PTPRS: variants seen among roughly 807,000 people sequenced by gnomAD.
The protein encoded by PTPRS is receptor-type tyrosine-protein phosphatase S.
In PTPRS, 63 loss-of-function variants were observed where a neutral mutation model predicts 215.3. The observed-to-expected ratio is 0.29, with a 90% CI of 0.24 to 0.36. PTPRS has a LOEUF of 0.36. Among genes scored for constraint, PTPRS ranks in the 10% least tolerant of loss-of-function variants. The pLI is 1.00. For missense variants in PTPRS, 2,258 were observed against 2,825.8 expected (o/e 0.80, Z 4.56); for synonymous variants, 1,404 against 1,191.4 (o/e 1.18, Z -3.68).
chr19:5,284,498 C>G (rs183542966), intron 2 of PTPRS, among the ~76,000 whole-genome samples: 170 of 152,118 alleles, frequency 1.1e-3, no homozygotes, highest in Non-Finnish European at 1.8e-3. Context: ...GCCCATCTTT[C>G]TTTTTTTTCT....
intron 1 of PTPRS, among the ~76,000 whole-genome samples, chr19:5,303,366 G>A (rs1202123666): frequency 6.6e-6 from 1 of 152,168 alleles, no homozygotes; most frequent in Admixed American, 6.5e-5. Context: ...GTGCACAAGG[G>A]TGGGATCTGG....
chr19:5,268,516 G>A (rs1446936365), intron 4 of PTPRS, among the ~76,000 whole-genome samples: 2 of 151,948 alleles, frequency 1.3e-5, no homozygotes, highest in Non-Finnish European at 2.9e-5. Flanking sequence ...GCAAGCAGCA[G>A]GAGGGCAGGA....
At chr19:5,285,178 G>GGGAGGC (rs1177988269) in intron 2 of PTPRS, among the ~76,000 whole-genome samples, 1 of 152,194 alleles carries the variant, frequency 6.6e-6, no homozygotes, top group Non-Finnish European at 1.5e-5. Flanking sequence ...CAGTGGGTAA[G>GGGAGGC]GGAGGCTGAG....
At chr19:5,241,518 A>G (rs1299433280) in intron 11 of PTPRS, among the ~76,000 whole-genome samples, 1 of 151,362 alleles carries the variant, frequency 6.6e-6, no homozygotes. Flanking sequence ...TCCTGGCTTC[A>G]GGCAAACCTC....
At chr19:5,229,749 G>T (rs1005268253) in intron 14 of PTPRS, 65 bp from the exon 15 acceptor site, 1 of 1,025,250 alleles carries the variant, frequency 9.8e-7, no homozygotes, top group Non-Finnish European at 1.3e-6. Context: ...GCCCTGCCCC[G>T]GGCAGTGCCA....
chr19:5,279,185 CA>C (rs953303136), intron 2 of PTPRS, among the ~76,000 whole-genome samples: 17 of 139,304 alleles, frequency 1.2e-4, no homozygotes, highest in Admixed American at 2.2e-4. Flanking sequence ...AACTCTGTCT[CA>C]AAAAAAAAAG....
chr19:5,225,204 C>T (rs1462846944), intron 17 of PTPRS, among the ~76,000 whole-genome samples: 1 of 152,110 alleles, frequency 6.6e-6, no homozygotes, highest in African/African-American at 2.4e-5. Flanking sequence ...AGAAAGGTGG[C>T]TTCCTGGTGC....
intron 1 of PTPRS, among the ~76,000 whole-genome samples, chr19:5,290,427 A>C (rs1017514426): frequency 6.6e-6 from 1 of 152,098 alleles, no homozygotes; most frequent in Non-Finnish European, 1.5e-5. Flanking sequence ...CCGCGGTGCT[A>C]ATGGGGGGCG....
At chr19:5,231,245 A>G (rs1391873974) in intron 14 of PTPRS, 65 bp downstream of exon 14, 1 of 1,488,758 alleles carries the variant, frequency 6.7e-7, no homozygotes, top group Non-Finnish European at 9.0e-7. Context: ...TTCCAGATGG[A>G]AGGCTTCGAG....
intron 1 of PTPRS, among the ~76,000 whole-genome samples, chr19:5,290,889 C>A (rs1368897729): frequency 1.3e-5 from 2 of 151,942 alleles, no homozygotes; most frequent in Non-Finnish European, 2.9e-5. Flanking sequence ...TCCCTGGACA[C>A]CTGGGTCACT....
Position 5,208,225 on chromosome 19 carries a change from G to A in PTPRS, c.5642+12C>T, listed in dbSNP as rs55727125. ...AGCAGGGCCAAAAGCTGGGACACTC[G>A]AGGGAGCTCACCTGCAGTGGACAGA... On this transcript the variant is annotated intron_variant, in intron 36 of 37. Coordinates refer to ENST00000262963, the MANE Select transcript of PTPRS (RefSeq NM_002850.4). 405,114 of 1,580,232 alleles carry A rather than the reference G, an allele frequency of 0.26. 53,558 individuals are homozygous for A. Among genetic ancestry groups the A allele is most frequent in the Admixed American group, 0.35 (19,785 of 57,144 alleles).
chr19:5,325,486 C>G (rs1000926361), intron 1 of PTPRS, among the ~76,000 whole-genome samples: 1 of 150,856 alleles, frequency 6.6e-6, no homozygotes, highest in African/African-American at 2.4e-5. Context: ...ACATTTTAAC[C>G]TGGAAAGAGA....
At chr19:5,263,609 C>G (rs1330823120) in intron 5 of PTPRS, among the ~76,000 whole-genome samples, 1 of 152,164 alleles carries the variant, frequency 6.6e-6, no homozygotes, top group Non-Finnish European at 1.5e-5. Flanking sequence ...GCGTCAAGCC[C>G]GGCACAACTG....
intron 11 of PTPRS, among the ~76,000 whole-genome samples, chr19:5,242,825 G>T (rs562844666): frequency 6.6e-6 from 1 of 152,118 alleles, no homozygotes; most frequent in Non-Finnish European, 1.5e-5. Flanking sequence ...GCCTTGAGTA[G>T]CTGGGACTAC....
chr19:5,243,922 G>C lies in PTPRS; in HGVS notation c.1549C>G (p.Gln517Glu). 3 of 1,550,982 alleles carry C rather than the reference G, an allele frequency of 1.9e-6. No individual in the cohort carries two copies. Among genetic ancestry groups the C allele is most frequent in the Non-Finnish European group, 2.6e-6 (3 of 1,152,556 alleles). Reference sequence around the variant, plus strand: ...TCACCTCCCTGCTGCGTCTTGACCTGGATGGGGTCCGAGAGGGGCCCGTCG... The same window carrying C: ...TCACCTCCCTGCTGCGTCTTGACCTCGATGGGGTCCGAGAGGGGCCCGTCG... ...VGDGPLSDPI[Q>E]VKTQQGVPGQ... is the part of the protein sequence containing the mutation. Residue 517 changes from glutamine to glutamate, a missense_variant, in exon 11 of 38, where the codon CAG (glutamine) becomes GAG (glutamate). Gln to Glu is a conservative substitution (Grantham distance 29). Coordinates refer to ENST00000262963, the MANE Select transcript of PTPRS (RefSeq NM_002850.4).
intron 1 of PTPRS, among the ~76,000 whole-genome samples, chr19:5,313,372 G>T (rs911754527): frequency 6.6e-6 from 1 of 152,218 alleles, no homozygotes; most frequent in Non-Finnish European, 1.5e-5. Flanking sequence ...TAAGAGAGTG[G>T]TCCATTGCAC....
chr19:5,220,340 C>A lies in PTPRS; in HGVS notation c.3469G>T (p.Val1157Leu). 2 of 1,613,704 alleles carry A rather than the reference C, an allele frequency of 1.2e-6. No individual in the cohort carries two copies. The highest frequency in any genetic ancestry group is 1.7e-6 in the Non-Finnish European group (2 of 1,179,848). ...CGAGACTTGCGCAGTGGCACCATCA[C>A]AATGAAATAGCTCCTGTAGGGAGAT... Reference protein sequence around the residue: ...SPVPVQSYFIVMVPLRKSRGG... With the variant: ...SPVPVQSYFILMVPLRKSRGG... The change falls in exon 21 of 38, where the codon GTG (valine) becomes TTG (leucine). Residue 1157 changes from valine (V) to leucine (L), a missense_variant. Transcript: ENST00000262963.
At position 5,228,345 on chromosome 19, in the gene PTPRS, G is replaced by GAAA. The variant is rs1491502602; in HGVS notation, c.2376+970_2376+971insTTT. On this transcript the variant is annotated intron_variant, in intron 16 of 37. Coordinates refer to ENST00000262963, the MANE Select transcript of PTPRS (RefSeq NM_002850.4). ...GGGCGATAGTGTGAGACTCCGTCTG[G>GAAA]AGAAAAAAAAAAAAAAAAGAGACAG... Among the ~76,000 whole-genome samples, 44 of 33,222 alleles carry GAAA rather than the reference G, an allele frequency of 1.3e-3. 1 individual carries two copies. The highest frequency in any genetic ancestry group is 2.6e-3 in the African/African-American group (27 of 10,498). 21.8% of individuals were successfully genotyped at this position (33,222 alleles called of 152,430 possible).
chr19:5,262,778 T>G (rs2046102326), intron 6 of PTPRS, among the ~76,000 whole-genome samples, 186 bp downstream of exon 6: 1 of 152,006 alleles, frequency 6.6e-6, no homozygotes, highest in Non-Finnish European at 1.5e-5. Context: ...CGCACACTAG[T>G]GCCAGCTGGG....
Sources: gnomAD v4.1 joint callset for allele counts (sites outside exome capture counted in the v4.1 genomes callset) on GRCh38, gnomAD v4.1.1 for gene constraint, MANE v1.5 for transcripts, NCBI Gene and HGNC (gene_info 2026-07-23, HGNC 2026-07-21) for gene names.